The following SERTAD2 variants were observed in gnomAD, a reference collection of about 807,000 sequenced individuals.
The protein encoded by SERTAD2 is SERTA domain containing 2.
A neutral mutation model predicts 15.4 loss-of-function variants in SERTAD2; 2 were observed. The observed-to-expected ratio is 0.13, with a 90% CI of 0.05 to 0.41. The LOEUF (loss-of-function observed/expected upper bound fraction) is 0.41. Ranked by LOEUF, SERTAD2 falls within the 10% of genes least tolerant of loss-of-function variation. The pLI, the probability that SERTAD2 is intolerant of heterozygous loss-of-function variation, is 0.99. For synonymous variants in SERTAD2, 180 were observed against 178.0 expected, an observed-to-expected ratio of 1.01 and a Z score of -0.09; for missense variants, 333 against 409.7, an observed-to-expected ratio of 0.81 and a Z score of 1.62.
intron 1 of SERTAD2, among the ~76,000 whole-genome samples, chr2:64,653,376 G>GC (rs966075260): frequency 8.8e-5 from 13 of 147,052 alleles, no homozygotes; most frequent in Non-Finnish European, 1.5e-4. Flanking sequence ...CCCCGGCCCT[G>GC]CCCCCCAGCG....
Position 64,632,434 on chromosome 2 carries a change from C to A in SERTAD2, c.*3493G>T, listed in dbSNP as rs1358980893. On this transcript the variant is annotated 3_prime_UTR_variant, in exon 2 of 2. Coordinates refer to ENST00000313349, the MANE Select transcript of SERTAD2 (RefSeq NM_014755.3). ...TGACCTCAGGGCAGCTGGGGCACTC[C>A]AAGGGGCTATGGCGATAAAAAGCTC... is the stretch of plus-strand genomic sequence containing the variant. 1 of 152,490 alleles carries A rather than the reference C, an allele frequency of 6.6e-6. No individual in the cohort carries two copies. The highest frequency in any genetic ancestry group is 6.5e-5 in the Admixed American group (1 of 15,268). 9.4% of individuals were successfully genotyped at this position (152,490 alleles called of 1,614,324 possible). A position where few individuals can be genotyped will look rare whatever the true frequency, so the allele number is the denominator to read the frequency against.
chr2:64,650,537 A>C (rs72894631), intron 1 of SERTAD2, among the ~76,000 whole-genome samples: 2,044 of 152,312 alleles, frequency 0.013, 48 homozygotes, highest in African/African-American at 0.047. Context: ...AGTTCTGTTC[A>C]TAAGGGTTTC....
chr2:64,634,390 T>TG lies in SERTAD2; in HGVS notation c.*1536dup, dbSNP rs1457339625. 3 of 38,440 alleles carry TG rather than the reference T, an allele frequency of 7.8e-5. No individual in the cohort carries two copies. The highest frequency in any genetic ancestry group is 1.0e-4 in the Non-Finnish European group (2 of 19,890). 2.4% of individuals were successfully genotyped at this position (38,440 alleles called of 1,614,324 possible). A position where few individuals can be genotyped will look rare whatever the true frequency, so the allele number is the denominator to read the frequency against. ...GAGATAAGGTGATGGGGGGGGGAAT[T>TG]GGGGGGAGGAGGGAAAACATGCATA... On this transcript the variant is annotated 3_prime_UTR_variant, in exon 2 of 2. Transcript: ENST00000313349.
chr2:64,652,842 A>AAAAGT (rs1287449244), intron 1 of SERTAD2, among the ~76,000 whole-genome samples: 1 of 23,632 alleles, frequency 4.2e-5, no homozygotes, highest in African/African-American at 2.1e-4. Context: ...CACTTCTGCT[A>AAAAGT]AAGGTAACTT....
intron 1 of SERTAD2, among the ~76,000 whole-genome samples, chr2:64,639,329 G>C (rs1186224777): frequency 6.6e-6 from 1 of 152,168 alleles, no homozygotes; most frequent in Non-Finnish European, 1.5e-5. Flanking sequence ...TCTGTACATG[G>C]AATTTTTAAA....
chr2:64,638,420 G>A (rs1026522459), intron 1 of SERTAD2, among the ~76,000 whole-genome samples: 1 of 152,214 alleles, frequency 6.6e-6, no homozygotes, highest in Non-Finnish European at 1.5e-5. Flanking sequence ...TCGACCTAAA[G>A]AAATAAGGCT....
In SERTAD2 at chr2:64,634,541, T is replaced by C. The variant is rs560996673; in HGVS notation, c.*1386A>G. 3 of 152,174 alleles carry C rather than the reference T, an allele frequency of 2.0e-5. No individual in the cohort carries two copies. Among genetic ancestry groups the C allele is most frequent in the African/African-American group, 7.2e-5 (3 of 41,434 alleles). 9.4% of individuals were successfully genotyped at this position (152,174 alleles called of 1,614,324 possible). On this transcript the variant is annotated 3_prime_UTR_variant, in exon 2 of 2. Transcript: ENST00000313349. ...ACTCCAGGTTCAAGAGTCACACATGTTGTAAGAGTGCATCCCGGGCCGGCC... is the reference window on the plus strand; with the variant it reads ...ACTCCAGGTTCAAGAGTCACACATGCTGTAAGAGTGCATCCCGGGCCGGCC...
At chr2:64,649,339 C>G (rs994460749) in intron 1 of SERTAD2, among the ~76,000 whole-genome samples, 1 of 152,220 alleles carries the variant, frequency 6.6e-6, no homozygotes, top group African/African-American at 2.4e-5. Context: ...AAAGGCTGAT[C>G]TGGAGCAAGA....
chr2:64,639,711 T>C (rs1674729999), intron 1 of SERTAD2, among the ~76,000 whole-genome samples: 1 of 152,236 alleles, frequency 6.6e-6, no homozygotes, highest in South Asian at 2.1e-4. Context: ...AGAATTCACC[T>C]ATTTAAAAAG....
chr2:64,653,193 G>C (rs1484163671), intron 1 of SERTAD2, among the ~76,000 whole-genome samples: 3 of 152,166 alleles, frequency 2.0e-5, no homozygotes, highest in Non-Finnish European at 4.4e-5. Flanking sequence ...ACCCGGCCAC[G>C]GAACTCAAAA....
chr2:64,638,703 TGTCAA>T (rs1674712261), intron 1 of SERTAD2, among the ~76,000 whole-genome samples: 47 of 2,190 alleles, frequency 0.021, 1 homozygote, highest in South Asian at 0.21. Context: ...AAAAAATGGC[TGTCAA>T]TGTCAATCAC....
chr2:64,639,891 G>A (rs1014938591), intron 1 of SERTAD2, among the ~76,000 whole-genome samples: 23 of 152,214 alleles, frequency 1.5e-4, no homozygotes, highest in Non-Finnish European at 3.4e-4. Flanking sequence ...GAGAAAGCCT[G>A]ATAAGACATC....
In SERTAD2 at chr2:64,634,378, G is replaced by C. The variant is rs1479075574; in HGVS notation, c.*1549C>G. 1.7e-5 allele frequency: 1 copy of C among 57,152 alleles called. No homozygotes were observed. Among genetic ancestry groups the C allele is most frequent in the South Asian group, 3.5e-4 (1 of 2,874 alleles). The allele number at this position is 57,152 out of a possible 1,614,324, so 3.5% of individuals were successfully genotyped here. Reference sequence around the variant, plus strand: ...AGTGTGTCCTGGGAGATAAGGTGATGGGGGGGGGAATTGGGGGGAGGAGGG... The same window carrying C: ...AGTGTGTCCTGGGAGATAAGGTGATCGGGGGGGGAATTGGGGGGAGGAGGG... On this transcript the variant is annotated 3_prime_UTR_variant, in exon 2 of 2. Transcript: ENST00000313349.
intron 1 of SERTAD2, 117 bp from the exon 2 acceptor site, chr2:64,636,992 T>G (rs1264260953): frequency 4.4e-6 from 3 of 680,480 alleles, no homozygotes; most frequent in African/African-American, 1.8e-5. Flanking sequence ...CCAGGGTTAT[T>G]TACAAGTACA....
chr2:64,636,392 T>C lies in SERTAD2; in HGVS notation c.480A>G (p.Pro160=), dbSNP rs1225251583. ...QPTAPTKLSP[P]ALLPEKDSFS... ...AACTGTCCTTTTCTGGCAAGAGGGC[T>C]GGAGGTGACAGTTTGGTGGGAGCCG... Residue 160 remains proline (P), a synonymous_variant, in exon 2 of 2, where the codon CCA becomes CCG. Coordinates refer to ENST00000313349, the MANE Select transcript of SERTAD2 (RefSeq NM_014755.3). The C allele has an allele frequency of 2.5e-6, 4 of 1,614,080 alleles. No homozygotes were observed. In the African/African-American group the frequency reaches 4.0e-5, roughly 16 times the overall value.
chr2:64,652,284 A>C (rs1353715419), intron 1 of SERTAD2, among the ~76,000 whole-genome samples: 1 of 152,086 alleles, frequency 6.6e-6, no homozygotes, highest in Non-Finnish European at 1.5e-5. Context: ...AGGGGGAGGG[A>C]TGGGAGCTGC....
chr2:64,642,950 G>T (rs148844342), intron 1 of SERTAD2, among the ~76,000 whole-genome samples: 1 of 151,306 alleles, frequency 6.6e-6, no homozygotes, highest in African/African-American at 2.4e-5. Flanking sequence ...TGGAGAAAGA[G>T]AATTCATGCC....
intron 1 of SERTAD2, among the ~76,000 whole-genome samples, chr2:64,645,248 C>T (rs1441933710): frequency 6.6e-6 from 1 of 152,198 alleles, no homozygotes; most frequent in East Asian, 1.9e-4. Flanking sequence ...GCGCCTCCTC[C>T]GGGCTCTCCC....
chr2:64,647,284 A>G (rs945272042), intron 1 of SERTAD2, among the ~76,000 whole-genome samples: 1 of 152,356 alleles, frequency 6.6e-6, no homozygotes, highest in East Asian at 1.9e-4. Context: ...AAACATATCT[A>G]TATTTTATAA....
Sources: allele counts gnomAD v4.1 joint callset (sites outside exome capture counted in the v4.1 genomes callset), GRCh38; gene constraint gnomAD v4.1.1; transcripts MANE v1.5; gene names NCBI Gene and HGNC (gene_info 2026-07-23, HGNC 2026-07-21).